CTDP1: variants seen among roughly 807,000 people sequenced by gnomAD.
CTDP1 encodes RNA polymerase II subunit A C-terminal domain phosphatase.
Under a neutral mutation model 91.8 loss-of-function variants are expected in CTDP1, and 47 were observed. The ratio of observed to expected loss-of-function variants is 0.51; its 90% CI spans 0.41 to 0.65. The LOEUF (loss-of-function observed/expected upper bound fraction) is 0.65. Among genes scored for constraint, CTDP1 ranks in the 30% least tolerant of loss-of-function variants. The pLI is 0.00. For synonymous variants in CTDP1, 656 were observed against 598.5 expected (o/e 1.10, Z -1.40); for missense variants, 1,272 against 1,373.7 (o/e 0.93, Z 1.17).
intron 10 of CTDP1, among the ~76,000 whole-genome samples, chr18:79,722,572 C>T (rs892583842): frequency 7.2e-5 from 11 of 152,232 alleles, no homozygotes; most frequent in South Asian, 4.1e-4. Flanking sequence ...GTTGTTGTGG[C>T]TGCAGCAGCG....
At chr18:79,679,261 C>T (rs1013535314), upstream of CTDP1, 3 of 385,314 alleles carry the variant, frequency 7.8e-6, no homozygotes, top group African/African-American at 4.1e-5. Context: ...GACCGCAACC[C>T]CCAAGCTCCC....
intron 12 of CTDP1, among the ~76,000 whole-genome samples, chr18:79,748,673 G>T (rs770393606): frequency 2.9e-4 from 44 of 152,216 alleles, no homozygotes; most frequent in Non-Finnish European, 5.3e-4. Context: ...CCCCAGCTGT[G>T]GATCCACAAG....
At chr18:79,736,193 A>G (rs566962354) in intron 11 of CTDP1, 162 bp from the exon 12 acceptor site, 1 of 871,056 alleles carries the variant, frequency 1.1e-6, no homozygotes, top group East Asian at 2.7e-5. Flanking sequence ...TTTGTTAAGG[A>G]TTGGTTGAGT....
At chr18:79,718,308 G>C (rs981416060) in intron 10 of CTDP1, among the ~76,000 whole-genome samples, 1 of 152,182 alleles carries the variant, frequency 6.6e-6, no homozygotes, top group Admixed American at 6.5e-5. Flanking sequence ...CAGAGCACTC[G>C]GTCCTGGGAA....
chr18:79,718,907 G>C (rs374375775), intron 10 of CTDP1, among the ~76,000 whole-genome samples: 1 of 152,176 alleles, frequency 6.6e-6, no homozygotes, highest in Admixed American at 6.5e-5. Flanking sequence ...GGGTGCTCAC[G>C]GTTAATGGGG....
In CTDP1 at chr18:79,717,427, G is replaced by T; in HGVS notation, c.2069-108G>T. 4 of 1,514,590 alleles carry T rather than the reference G, an allele frequency of 2.6e-6. No homozygotes were observed. In the South Asian group the frequency reaches 3.5e-5, roughly 13 times the overall value. The allele number at this position is 1,514,590 out of a possible 1,614,324, so 93.8% of individuals were successfully genotyped here. On this transcript the variant is annotated intron_variant, in intron 8 of 12. Coordinates refer to ENST00000613122, the MANE Select transcript of CTDP1 (RefSeq NM_004715.5). ...GGATGCAGCCGAGTGAGGGCCCTGA[G>T]CCCTGGTGGGGTACAGCCAGGTGAG...
At chr18:79,737,800 G>A (rs182817691) in intron 12 of CTDP1, among the ~76,000 whole-genome samples, 1 of 152,080 alleles carries the variant, frequency 6.6e-6, no homozygotes, top group South Asian at 2.1e-4. Context: ...ATATCAACAC[G>A]CCAGGATTTG....
chr18:79,714,975 G>A lies in CTDP1; in HGVS notation c.1515G>A (p.Pro505=), dbSNP rs766955290. ...GALAQGSSLE[P]GRPAAPSLPG... is the part of the protein sequence containing the mutation. The stretch of plus-strand genomic sequence containing the variant: ...TGGCACAGGGCAGTTCCCTGGAGCC[G>A]GGGCGGCCTGCAGCACCGAGTCTCC... The change falls in exon 8 of 13, where the codon CCG becomes CCA. Residue 505 remains proline (P), a synonymous_variant. Coordinates refer to ENST00000613122, the MANE Select transcript of CTDP1 (RefSeq NM_004715.5). 3.2e-5 allele frequency: 50 copies of A among 1,570,486 alleles called. No individual in the cohort carries two copies. The African/African-American group carries it at 3.5e-4, about 11-fold the overall frequency.
chr18:79,677,651 C>G (rs2085269794), upstream of CTDP1: 1 of 152,292 alleles, frequency 6.6e-6, no homozygotes, highest in Non-Finnish European at 1.5e-5. Context: ...ACAGTTGGAA[C>G]CAGGAGTTCA....
At chr18:79,716,313 C>T (rs533830966) in intron 8 of CTDP1, among the ~76,000 whole-genome samples, 1 of 152,318 alleles carries the variant, frequency 6.6e-6, no homozygotes, top group East Asian at 1.9e-4. Flanking sequence ...CGCACGCTCC[C>T]TGACAGCAGG....
At chr18:79,697,744 C>T (rs1379201696) in intron 3 of CTDP1, 116 bp from the exon 4 acceptor site, 17 of 1,475,210 alleles carry the variant, frequency 1.2e-5, no homozygotes, top group African/African-American at 9.7e-5. Context: ...GTCCATGGAG[C>T]GTGGGGGGCT....
chr18:79,695,482 G>T (rs1012029057), intron 2 of CTDP1, among the ~76,000 whole-genome samples, 174 bp downstream of exon 2: 3 of 152,212 alleles, frequency 2.0e-5, no homozygotes, highest in Admixed American at 6.5e-5. Flanking sequence ...CCTGGAGGCA[G>T]TCCTTCCTGC....
chr18:79,695,003 G>A (rs938370653), intron 1 of CTDP1, among the ~76,000 whole-genome samples: 10 of 152,294 alleles, frequency 6.6e-5, no homozygotes, highest in Admixed American at 4.6e-4. Context: ...GTGGTGAGGT[G>A]TGGTGGCGTG....
At chr18:79,717,746 C>T in intron 9 of CTDP1, 64 bp from the exon 10 acceptor site, 2 of 1,613,754 alleles carry the variant, frequency 1.2e-6, no homozygotes, top group Non-Finnish European at 1.7e-6. Flanking sequence ...GGTTCATGCA[C>T]CTGGGCAGTG....
chr18:79,724,906 G>A (rs1296372555), intron 10 of CTDP1, among the ~76,000 whole-genome samples: 1 of 152,164 alleles, frequency 6.6e-6, no homozygotes, highest in Non-Finnish European at 1.5e-5. Context: ...TTCTGCCGCA[G>A]CGTCTCGAGG....
intron 12 of CTDP1, among the ~76,000 whole-genome samples, chr18:79,740,571 C>T (rs1490712631): frequency 3.9e-5 from 6 of 152,300 alleles, no homozygotes; most frequent in East Asian, 3.9e-4. Flanking sequence ...CTTTCCCATG[C>T]GTGGCAATGC....
At chr18:79,695,382 G>C in intron 2 of CTDP1, 74 bp downstream of exon 2, 3 of 1,385,622 alleles carry the variant, frequency 2.2e-6, no homozygotes, top group Admixed American at 1.7e-5. Flanking sequence ...CCGAGAAGCT[G>C]TGCTGGGAAC....
intron 11 of CTDP1, 82 bp downstream of exon 11, chr18:79,729,151 G>T: frequency 1.3e-6 from 2 of 1,576,290 alleles, no homozygotes; most frequent in Non-Finnish European, 1.7e-6. Flanking sequence ...GGATTGCTGA[G>T]CTGTGCACCT....
chr18:79,697,310 G>A (rs949127020), intron 3 of CTDP1, among the ~76,000 whole-genome samples: 18 of 151,478 alleles, frequency 1.2e-4, no homozygotes, highest in Admixed American at 5.9e-4. Flanking sequence ...GTCCCATGCC[G>A]GGCTCCTGAT....
Sources: allele counts gnomAD v4.1 joint callset (sites outside exome capture counted in the v4.1 genomes callset), GRCh38; gene constraint gnomAD v4.1.1; transcripts MANE v1.5; gene names NCBI Gene and HGNC (gene_info 2026-07-23, HGNC 2026-07-21).